Variants in ITGA9 observed in about 807,000 individuals in gnomAD.
ITGA9 encodes the protein integrin alpha-9.
A neutral mutation model predicts 127.8 loss-of-function variants in ITGA9; 56 were observed. The observed-to-expected ratio is 0.44, with a 90% CI of 0.35 to 0.55. The LOEUF (loss-of-function observed/expected upper bound fraction) is 0.55, where lower values mean the gene tolerates loss of function less well. Ranked by LOEUF, ITGA9 falls within the 20% of genes least tolerant of loss-of-function variation. The probability of loss-of-function intolerance (pLI) is 0.00; values close to 1 mark genes in which losing one functional copy is unlikely to be tolerated. For missense variants in ITGA9, 1,196 were observed against 1,347.1 expected (o/e 0.89, Z 1.76); for synonymous variants, 508 against 514.5 (o/e 0.99, Z 0.17).
chr3:37,694,321 C>T (rs1700862086), intron 18 of ITGA9, among the ~76,000 whole-genome samples: 1 of 152,214 alleles, frequency 6.6e-6, no homozygotes, highest in African/African-American at 2.4e-5. Context: ...AGCAGGCACC[C>T]CCAGCCTGTG....
chr3:37,816,083 A>T lies in ITGA9; in HGVS notation c.3010-2808A>T, dbSNP rs145642685. 2.6e-5 allele frequency among the ~76,000 whole-genome samples: 4 copies of T among 152,312 alleles called. No individual in the cohort carries two copies. In the East Asian group the frequency reaches 7.7e-4, roughly 29 times the overall value. ...TTGTCAAAGCTAGTCTCAGTGGAGA[A>T]TCAAGGCTGGGAAAATAGACTCCAC... On this transcript the variant is annotated intron_variant, in intron 27 of 27. Coordinates refer to ENST00000264741, the MANE Select transcript of ITGA9 (RefSeq NM_002207.3).
chr3:37,622,970 T>C (rs565712914), intron 15 of ITGA9, among the ~76,000 whole-genome samples: 1 of 152,194 alleles, frequency 6.6e-6, no homozygotes, highest in Non-Finnish European at 1.5e-5. Context: ...CCTTGCACTG[T>C]GTCCTGTATG....
intron 17 of ITGA9, among the ~76,000 whole-genome samples, chr3:37,671,111 C>G (rs1050833250): frequency 6.6e-6 from 1 of 152,252 alleles, no homozygotes; most frequent in Non-Finnish European, 1.5e-5. Flanking sequence ...ATTGGACCTC[C>G]GAGCAGCCTG....
At chr3:37,554,533 C>T (rs372694437) in intron 15 of ITGA9, among the ~76,000 whole-genome samples, 3 of 152,098 alleles carry the variant, frequency 2.0e-5, no homozygotes, top group African/African-American at 4.8e-5. Context: ...TTTACAGGCC[C>T]CTGCTGGCGG....
chr3:37,765,710 AC>A (rs1696772004), intron 23 of ITGA9, among the ~76,000 whole-genome samples: 1 of 152,128 alleles, frequency 6.6e-6, no homozygotes, highest in Non-Finnish European at 1.5e-5. Flanking sequence ...CTCAACACAC[AC>A]CCTCTGGAAG....
intron 15 of ITGA9, among the ~76,000 whole-genome samples, chr3:37,591,249 T>C (rs1235076121): frequency 2.0e-5 from 3 of 152,230 alleles, no homozygotes; most frequent in Admixed American, 2.0e-4. Flanking sequence ...AGCTATTGTT[T>C]ATGTAAAAGG....
intron 25 of ITGA9, among the ~76,000 whole-genome samples, chr3:37,782,639 G>A (rs993682649): frequency 6.6e-6 from 1 of 152,220 alleles, no homozygotes; most frequent in Non-Finnish European, 1.5e-5. Context: ...CCTGAAGCCA[G>A]CTACAGCCTC....
At chr3:37,654,731 A>G (rs900216303) in intron 17 of ITGA9, among the ~76,000 whole-genome samples, 1 of 152,170 alleles carries the variant, frequency 6.6e-6, no homozygotes, top group Non-Finnish European at 1.5e-5. Flanking sequence ...TCCAGGATAC[A>G]TGTGCTGAAC....
intron 18 of ITGA9, among the ~76,000 whole-genome samples, chr3:37,692,471 CAG>C: frequency 6.8e-6 from 1 of 147,948 alleles, no homozygotes; most frequent in African/African-American, 2.5e-5. Context: ...AAAATAGAGA[CAG>C]TGTTAAACTG....
At chr3:37,771,510 G>C (rs112623908) in intron 23 of ITGA9, among the ~76,000 whole-genome samples, 45 of 152,326 alleles carry the variant, frequency 3.0e-4, no homozygotes, top group African/African-American at 1.0e-3. Flanking sequence ...AACTGGCACG[G>C]CTGTTAGCAG....
At position 37,799,515 on chromosome 3, in the gene ITGA9, A is replaced by G. The variant is rs1697211721; in HGVS notation, c.2890-4308A>G. ...CTGGGGACCACCGGTCTCACAGAGG[A>G]GAGGCCTCTAACTGGCTAGAATGTA... On this transcript the variant is annotated intron_variant, in intron 26 of 27. Coordinates refer to ENST00000264741, the MANE Select transcript of ITGA9 (RefSeq NM_002207.3). This position sits in a 1 kb window ranked among gnomAD's most constrained non-coding sequence, Gnocchi z 4.0. Among the ~76,000 whole-genome samples, 3 of 152,188 alleles carry G rather than the reference A, an allele frequency of 2.0e-5. No homozygotes were observed. Among genetic ancestry groups the G allele is most frequent in the Admixed American group, 2.0e-4 (3 of 15,274 alleles).
Position 37,526,063 on chromosome 3 carries a change from T to A in ITGA9, c.1365T>A (p.Val455=). 6.2e-7 allele frequency: 1 copy of A among 1,613,972 alleles called. No homozygotes were observed. ...TVGAFMSDSV[V]LLRARPVITV... is the part of the protein sequence containing the mutation. ...GAGCCTTCATGTCCGACAGCGTGGT[T>A]CTTCTCAGGTGAGAGGCCCCACTCT... Residue 455 remains valine, a synonymous_variant, in exon 13 of 28, where the codon GTT becomes GTA. Transcript: ENST00000264741.
At chr3:37,535,326 G>A (rs946848477) in intron 14 of ITGA9, among the ~76,000 whole-genome samples, 1 of 152,244 alleles carries the variant, frequency 6.6e-6, no homozygotes, top group African/African-American at 2.4e-5. Flanking sequence ...CAAGATGCAA[G>A]TTAGAGCAAG....
intron 15 of ITGA9, among the ~76,000 whole-genome samples, chr3:37,622,272 G>A (rs1344851009): frequency 6.6e-6 from 1 of 151,424 alleles, no homozygotes; most frequent in Non-Finnish European, 1.5e-5. Context: ...GTATTTTTTA[G>A]TAGAGACAGG....
intron 18 of ITGA9, among the ~76,000 whole-genome samples, chr3:37,695,290 T>G (rs979713013): frequency 6.6e-6 from 1 of 152,184 alleles, no homozygotes; most frequent in African/African-American, 2.4e-5. Context: ...AAACGAAGAC[T>G]GAAGCCACAG....
At chr3:37,740,875 A>T (rs955271527) in intron 20 of ITGA9, among the ~76,000 whole-genome samples, 1 of 152,186 alleles carries the variant, frequency 6.6e-6, no homozygotes, top group Non-Finnish European at 1.5e-5. Flanking sequence ...TTTCAAAAAT[A>T]TCGATGCCTG....
At chr3:37,473,938 G>C (rs1698463836) in intron 3 of ITGA9, among the ~76,000 whole-genome samples, 1 of 151,972 alleles carries the variant, frequency 6.6e-6, no homozygotes, top group Non-Finnish European at 1.5e-5. Context: ...CATTACTTTT[G>C]CTTTTTCTAG....
At chr3:37,773,231 G>T (rs2125548225) in intron 23 of ITGA9, among the ~76,000 whole-genome samples, 1 of 152,334 alleles carries the variant, frequency 6.6e-6, no homozygotes, top group African/African-American at 2.4e-5. Context: ...TTTAATGAGG[G>T]ATGGATGCAT....
chr3:37,480,629 A>G (rs978599652), intron 3 of ITGA9, among the ~76,000 whole-genome samples: 2 of 152,112 alleles, frequency 1.3e-5, no homozygotes, highest in Non-Finnish European at 2.9e-5. Context: ...TCCATAAAAA[A>G]ACAACTCTCC....
Sources: gnomAD v4.1 joint callset for allele counts (sites outside exome capture counted in the v4.1 genomes callset) on GRCh38, gnomAD v4.1.1 for gene constraint, Gnocchi (gnomAD v3.1) non-coding constraint, MANE v1.5 for transcripts, NCBI Gene and HGNC (gene_info 2026-07-23, HGNC 2026-07-21) for gene names.